PPP2R5B: variants seen among roughly 807,000 people sequenced by gnomAD.
PPP2R5B encodes the protein protein phosphatase 2 regulatory subunit B'beta.
A neutral mutation model predicts 59.9 loss-of-function variants in PPP2R5B; 19 were observed. The observed-to-expected ratio is 0.32, with a 90% CI of 0.22 to 0.47. The LOEUF (loss-of-function observed/expected upper bound fraction) is 0.47, where lower values mean the gene tolerates loss of function less well. Ranked by LOEUF, PPP2R5B falls within the 20% of genes least tolerant of loss-of-function variation. The pLI, the probability that PPP2R5B is intolerant of heterozygous loss-of-function variation, is 1.00. For synonymous variants in PPP2R5B, 286 were observed against 260.5 expected (o/e 1.10, Z -0.94); for missense variants, 441 against 640.2 (o/e 0.69, Z 3.36).
In PPP2R5B at chr11:64,932,815, C is replaced by T. The variant is rs1422156543; in HGVS notation, c.1167C>T (p.Leu389=). ...GGAACAATGAGTATATCCTAAGCCT[C>T]ATTGAGGACAACTGCCACACTGTGC... is the stretch of plus-strand genomic sequence containing the variant. The part of the protein sequence containing the change: ...YFWNNEYILS[L]IEDNCHTVLP... The change falls in exon 12 of 14, where the codon CTC becomes CTT. Residue 389 remains leucine, a synonymous_variant. Transcript: ENST00000164133. 1 of 1,614,138 alleles carries T rather than the reference C, an allele frequency of 6.2e-7. No homozygotes were observed. Among genetic ancestry groups the T allele is most frequent in the Admixed American group, 1.7e-5 (1 of 60,022 alleles).
In PPP2R5B at chr11:64,931,891, A is replaced by T; in HGVS notation, c.1116+23A>T. 6.2e-7 allele frequency: 1 copy of T among 1,612,412 alleles called. No individual in the cohort carries two copies. Among genetic ancestry groups the T allele is most frequent in the Non-Finnish European group, 8.5e-7 (1 of 1,179,468 alleles). ...CAGGTATGAGGCAGGACAGGCGGGG[A>T]TGGGAGCAGGGCTGGCCTGGAAAGG... On this transcript the variant is annotated intron_variant, in intron 11 of 13. Transcript: ENST00000164133. This position sits in a 1 kb window ranked among gnomAD's most constrained non-coding sequence, Gnocchi z 5.0.
At chr11:64,918,815 G>A (rs1945077092) in intron 1 of PPP2R5B, among the ~76,000 whole-genome samples, 3 of 152,122 alleles carry the variant, frequency 2.0e-5, no homozygotes, top group Non-Finnish European at 4.4e-5. Flanking sequence ...TCTTACTTGG[G>A]AGCTGGACTC....
At chr11:64,919,194 T>A (rs1945088017) in intron 1 of PPP2R5B, among the ~76,000 whole-genome samples, 1 of 152,068 alleles carries the variant, frequency 6.6e-6, no homozygotes, top group African/African-American at 2.4e-5. Context: ...ATTTAAAAAA[T>A]TAGCAGAGTG....
chr11:64,925,663 T>A lies in PPP2R5B; in HGVS notation c.-72T>A. The A allele has an allele frequency of 1.5e-6, 1 of 672,000 alleles. No homozygotes were observed. The highest frequency in any genetic ancestry group is 2.4e-6 in the Non-Finnish European group (1 of 413,104). The allele number at this position is 672,000 out of a possible 1,614,324, so 41.6% of individuals were successfully genotyped here. On this transcript the variant is annotated 5_prime_UTR_variant, in exon 2 of 14. Transcript: ENST00000164133. This position sits in a 1 kb window ranked among gnomAD's most constrained non-coding sequence, Gnocchi z 4.6. ...GATGGGACCAAGTTAGTCTGTCCAGTCTCACCCAGCACCTCCCAGGCCCAG... is the reference window on the plus strand; with the variant it reads ...GATGGGACCAAGTTAGTCTGTCCAGACTCACCCAGCACCTCCCAGGCCCAG...
In PPP2R5B at chr11:64,926,986, C is replaced by T. The variant is rs1287922977; in HGVS notation, c.396+78C>T. On this transcript the variant is annotated intron_variant, in intron 3 of 13. Transcript: ENST00000164133. ...CCGTTTCCTGTCCGCAGGACCCCTGCGTGGAGAATAACCCTGTACTCATCG... is the reference window on the plus strand; with the variant it reads ...CCGTTTCCTGTCCGCAGGACCCCTGTGTGGAGAATAACCCTGTACTCATCG... 23 of 1,499,070 alleles carry T rather than the reference C, an allele frequency of 1.5e-5. No homozygotes were observed. The African/African-American group carries it at 2.8e-4, about 18-fold the overall frequency. The allele number at this position is 1,499,070 out of a possible 1,614,324, so 92.9% of individuals were successfully genotyped here. A position where few individuals can be genotyped will look rare whatever the true frequency, so the allele number is the denominator to read the frequency against.
chr11:64,933,123 A>G, intron 12 of PPP2R5B, 22 bp from the exon 13 acceptor site: 1 of 1,583,546 alleles, frequency 6.3e-7, no homozygotes. Flanking sequence ...TCATCTCCTC[A>G]TCCCTCCTTG....
chr11:64,932,725 C>A, intron 11 of PPP2R5B, 40 bp from the exon 12 acceptor site: 1 of 1,604,596 alleles, frequency 6.2e-7, no homozygotes, highest in South Asian at 1.1e-5. Context: ...CAGAGAGAAG[C>A]CACTGCCAGT....
chr11:64,921,496 G>A (rs1296859683), upstream of PPP2R5B, among the ~76,000 whole-genome samples: 1 of 152,236 alleles, frequency 6.6e-6, no homozygotes, highest in Non-Finnish European at 1.5e-5. Flanking sequence ...CCCTGAAGGA[G>A]TATCTCCCTC....
rs180753758 is a variant in PPP2R5B, at chr11:64,928,860, C to T, written c.722+435C>T. Among the ~76,000 whole-genome samples the T allele has an allele frequency of 4.6e-5, 7 of 151,980 alleles. No homozygotes were observed. In the East Asian group the frequency reaches 5.8e-4, roughly 13 times the overall value. On this transcript the variant is annotated intron_variant, in intron 6 of 13. Coordinates refer to ENST00000164133, the MANE Select transcript of PPP2R5B (RefSeq NM_006244.4). ...GACTGCGCCACTGCAGTCCGCAGTC[C>T]GGCCTGGGCGACAGAGCGAGACGGA...
rs959789177 is a variant in PPP2R5B, at chr11:64,933,762, G to A, written c.1412G>A (p.Arg471Gln). The change falls in exon 14 of 14, where the codon CGG (arginine) becomes CAG (glutamine). Residue 471 changes from arginine to glutamine, a missense_variant. Around this residue, in one of 3 missense-constraint regions of PPP2R5B, gnomAD observed 70 missense variants for 64.2 expected, o/e 1.09. Coordinates refer to ENST00000164133, the MANE Select transcript of PPP2R5B (RefSeq NM_006244.4). ...WQGLEELRLR[R>Q]LQGTQGAKEA... ...GGTCTGGAGGAGCTGCGGCTACGCCGGCTACAGGGGACCCAGGGGGCCAAG... is the reference window on the plus strand; with the variant it reads ...GGTCTGGAGGAGCTGCGGCTACGCCAGCTACAGGGGACCCAGGGGGCCAAG... The A allele has an allele frequency of 3.1e-5, 48 of 1,555,752 alleles. No homozygotes were observed. The highest frequency in any genetic ancestry group is 1.1e-4 in the African/African-American group (8 of 73,280).
chr11:64,928,758 C>T (rs1368749914), intron 6 of PPP2R5B, among the ~76,000 whole-genome samples: 1 of 152,214 alleles, frequency 6.6e-6, no homozygotes, highest in East Asian at 1.9e-4. Flanking sequence ...GTGGCGGGCG[C>T]CTGTAGTCCC....
chr11:64,926,665 A>G, intron 2 of PPP2R5B, 47 bp from the exon 3 acceptor site: 1 of 1,600,504 alleles, frequency 6.2e-7, no homozygotes, highest in Non-Finnish European at 8.5e-7. Context: ...CAGCTGGGGC[A>G]GCTGGGGGAG....
rs1254128429 is a variant in PPP2R5B, at chr11:64,931,900, G to A, written c.1116+32G>A. Reference sequence around the variant, plus strand: ...GGCAGGACAGGCGGGGATGGGAGCAGGGCTGGCCTGGAAAGGTTGGGTAGC... The same window carrying A: ...GGCAGGACAGGCGGGGATGGGAGCAAGGCTGGCCTGGAAAGGTTGGGTAGC... On this transcript the variant is annotated intron_variant, in intron 11 of 13. Transcript: ENST00000164133. The surrounding 1 kb of genome is among the most constrained non-coding windows in gnomAD (Gnocchi z 5.0). 6.2e-7 allele frequency: 1 copy of A among 1,607,294 alleles called. No homozygotes were observed. Among genetic ancestry groups the A allele is most frequent in the Non-Finnish European group, 8.5e-7 (1 of 1,177,010 alleles).
chr11:64,933,040 C>T, intron 12 of PPP2R5B, 105 bp from the exon 13 acceptor site: 1 of 1,488,294 alleles, frequency 6.7e-7, no homozygotes, highest in Non-Finnish European at 9.3e-7. Context: ...GGAAAGTGGG[C>T]AGTGCTTGTG....
upstream of PPP2R5B, among the ~76,000 whole-genome samples, chr11:64,919,781 C>G (rs1420441430): frequency 6.6e-6 from 1 of 151,870 alleles, no homozygotes; most frequent in East Asian, 1.9e-4. Context: ...ATGTCCTAGG[C>G]CTTGGGCTTG....
At chr11:64,926,642 T>C in intron 2 of PPP2R5B, 70 bp from the exon 3 acceptor site, 2 of 1,544,600 alleles carry the variant, frequency 1.3e-6, no homozygotes, top group Non-Finnish European at 1.8e-6. Flanking sequence ...ATTAGGAGGG[T>C]CTGCCCCACC....
At chr11:64,922,187 T>A (rs12802022), upstream of PPP2R5B, among the ~76,000 whole-genome samples, 127,098 of 148,182 alleles carry the variant, frequency 0.86, 55,558 homozygotes, top group East Asian at 0.99. Context: ...AAAAAAAAAA[T>A]AAAAAAATAA....
intron 6 of PPP2R5B, among the ~76,000 whole-genome samples, chr11:64,928,770 G>C (rs1945197395): frequency 1.3e-5 from 2 of 152,328 alleles, no homozygotes. Context: ...TGTAGTCCCA[G>C]CTACTCGGGA....
At chr11:64,920,219 T>G (rs374963903), upstream of PPP2R5B, among the ~76,000 whole-genome samples, 6 of 152,318 alleles carry the variant, frequency 3.9e-5, no homozygotes, top group East Asian at 9.6e-4. Context: ...TTATCCTTTC[T>G]AGGCCCCTGG....
Sources: allele counts gnomAD v4.1 joint callset (sites outside exome capture counted in the v4.1 genomes callset), GRCh38; gene constraint gnomAD v4.1.1; regional missense constraint gnomAD v4.1.1; non-coding constraint Gnocchi (gnomAD v3.1); transcripts MANE v1.5; gene names NCBI Gene and HGNC (gene_info 2026-07-23, HGNC 2026-07-21).